C12orf56: variants seen among roughly 807,000 people sequenced by gnomAD.
C12orf56 encodes uncharacterized protein C12orf56.
A neutral mutation model predicts 69.9 loss-of-function variants in C12orf56; 71 were observed. The observed-to-expected ratio is 1.02, with a 90% CI of 0.84 to 1.24. C12orf56 has a LOEUF of 1.24. Ranked by LOEUF, C12orf56 falls within the 50% of genes most tolerant of loss-of-function variation. The pLI, the probability that C12orf56 is intolerant of heterozygous loss-of-function variation, is 0.00. For missense variants in C12orf56, 732 were observed against 738.5 expected (o/e 0.99, Z 0.10); for synonymous variants, 276 against 274.1 (o/e 1.01, Z -0.07).
chr12:64,389,858 T>C (rs2135995169), intron 1 of C12orf56, among the ~76,000 whole-genome samples: 1 of 152,256 alleles, frequency 6.6e-6, no homozygotes, highest in East Asian at 1.9e-4. Context: ...AAAAAGTAAA[T>C]GAGATATAAC....
chr12:64,329,529 A>ATTTT (rs869194287), intron 3 of C12orf56, among the ~76,000 whole-genome samples: 2 of 145,288 alleles, frequency 1.4e-5, no homozygotes, highest in African/African-American at 2.5e-5. Flanking sequence ...TTATTTATTT[A>ATTTT]TTTTTTATTA....
intron 11 of C12orf56, 115 bp downstream of exon 11, chr12:64,274,786 C>A: frequency 1.3e-6 from 1 of 787,592 alleles, no homozygotes. Context: ...CACTTTGCTT[C>A]TGGTTGATAA....
Position 64,388,137 on chromosome 12 carries a change from G to T in C12orf56, c.252+2177C>A, listed in dbSNP as rs7132456. Among the ~76,000 whole-genome samples, 1,179 of 152,050 alleles carry T rather than the reference G, an allele frequency of 7.8e-3. 16 individuals carry two copies. The highest frequency in any genetic ancestry group is 0.026 in the African/African-American group (1,093 of 41,494). ...GGCATGCGCCACCACACCCAGTGGC[G>T]CATTGGCCCAGGCTGGTCTCGAACT... is the stretch of plus-strand genomic sequence containing the variant. On this transcript the variant is annotated intron_variant, in intron 1 of 12. Coordinates refer to ENST00000543942, the MANE Select transcript of C12orf56 (RefSeq NM_001170633.2).
intron 6 of C12orf56, among the ~76,000 whole-genome samples, chr12:64,289,360 G>T (rs1198509927): frequency 8.0e-5 from 10 of 124,644 alleles, no homozygotes; most frequent in East Asian, 6.5e-4. Context: ...CTGCCTAATT[G>T]CCCTGGCCAG....
intron 2 of C12orf56, among the ~76,000 whole-genome samples, chr12:64,341,619 G>A (rs946177821): frequency 6.6e-6 from 1 of 152,188 alleles, no homozygotes; most frequent in African/African-American, 2.4e-5. Flanking sequence ...AGGTGGGTAA[G>A]GCATTCCGTG....
In C12orf56 at chr12:64,373,479, T is replaced by C. The variant is rs1373152540; in HGVS notation, c.252+16835A>G. On this transcript the variant is annotated intron_variant, in intron 1 of 12. Transcript: ENST00000543942. ...AAAATAAAGAAAACAAAACCTGATA[T>C]CCATGTAATGGAAGTGCACAATGTA... Among the ~76,000 whole-genome samples the C allele has an allele frequency of 2.6e-5, 4 of 152,092 alleles. No individual in the cohort carries two copies. In the East Asian group the frequency reaches 7.7e-4, roughly 29 times the overall value.
At chr12:64,311,335 C>T (rs1399311923) in intron 5 of C12orf56, among the ~76,000 whole-genome samples, 1 of 151,668 alleles carries the variant, frequency 6.6e-6, no homozygotes, top group Non-Finnish European at 1.5e-5. Context: ...ACTGCTTGAA[C>T]CTGGGAGGCA....
intron 5 of C12orf56, 101 bp from the exon 6 acceptor site, chr12:64,303,880 A>C: frequency 7.7e-7 from 1 of 1,303,598 alleles, no homozygotes; most frequent in Non-Finnish European, 1.0e-6. Flanking sequence ...TTTGTTACTA[A>C]TGGGATTTTA....
At chr12:64,344,126 C>T (rs574162061) in intron 2 of C12orf56, among the ~76,000 whole-genome samples, 7 of 152,292 alleles carry the variant, frequency 4.6e-5, no homozygotes, top group South Asian at 4.1e-4. Context: ...GTCCCCTAAA[C>T]ATCTGATCAT....
chr12:64,347,804 C>T (rs1037593782), intron 2 of C12orf56, among the ~76,000 whole-genome samples: 7 of 152,266 alleles, frequency 4.6e-5, no homozygotes, highest in African/African-American at 1.4e-4. Context: ...GAAATAAAAA[C>T]AGTCTTAAAG....
At chr12:64,278,903 C>T (rs1353973138) in intron 8 of C12orf56, among the ~76,000 whole-genome samples, 2 of 152,090 alleles carry the variant, frequency 1.3e-5, no homozygotes, top group African/African-American at 4.8e-5. Context: ...TTCACTTAGC[C>T]TAATATCCTC....
Position 64,385,402 on chromosome 12 carries a change from T to C in C12orf56, c.252+4912A>G, listed in dbSNP as rs141781098. Among the ~76,000 whole-genome samples the C allele has an allele frequency of 7.1e-3, 1,085 of 152,290 alleles. 19 individuals carry two copies. The highest frequency in any genetic ancestry group is 0.024 in the African/African-American group (995 of 41,560). Reference sequence around the variant, plus strand: ...TGTGAAGGGAATAGAATTTTATCTGTATTATTTGTAAGGGCTTTTTTTCCC... The same window carrying C: ...TGTGAAGGGAATAGAATTTTATCTGCATTATTTGTAAGGGCTTTTTTTCCC... On this transcript the variant is annotated intron_variant, in intron 1 of 12. Coordinates refer to ENST00000543942, the MANE Select transcript of C12orf56 (RefSeq NM_001170633.2).
At chr12:64,323,725 G>A (rs994180238) in intron 3 of C12orf56, among the ~76,000 whole-genome samples, 10 of 152,064 alleles carry the variant, frequency 6.6e-5, no homozygotes, top group Middle Eastern at 3.4e-3. Flanking sequence ...TGCCCAGGCC[G>A]GTCTTAAACT....
intron 2 of C12orf56, chr12:64,338,716 T>A (rs1304989764): frequency 1.3e-6 from 2 of 1,528,028 alleles, no homozygotes. Context: ...TTCCTTCTGC[T>A]TTCTCATTGG....
chr12:64,301,894 T>G (rs2038450802), intron 6 of C12orf56, among the ~76,000 whole-genome samples: 1 of 152,184 alleles, frequency 6.6e-6, no homozygotes, highest in African/African-American at 2.4e-5. Context: ...CCCAGCCTAC[T>G]AAAATAAAGG....
intron 3 of C12orf56, among the ~76,000 whole-genome samples, chr12:64,320,488 T>G (rs2038757076): frequency 1.3e-5 from 2 of 152,194 alleles, no homozygotes; most frequent in African/African-American, 4.8e-5. Context: ...GATGTTTTCT[T>G]TAATTCCCCT....
intron 2 of C12orf56, among the ~76,000 whole-genome samples, chr12:64,342,907 A>G (rs1056289314): frequency 6.6e-6 from 1 of 152,198 alleles, no homozygotes; most frequent in Non-Finnish European, 1.5e-5. Flanking sequence ...CAGCTCAAGC[A>G]CCATTGGATC....
At chr12:64,374,772 G>A (rs2039619000) in intron 1 of C12orf56, among the ~76,000 whole-genome samples, 1 of 152,058 alleles carries the variant, frequency 6.6e-6, no homozygotes, top group African/African-American at 2.4e-5. Context: ...TCAAACTCCT[G>A]ACCTCAGGTG....
intron 6 of C12orf56, among the ~76,000 whole-genome samples, chr12:64,294,362 T>C (rs557852726): frequency 6.6e-6 from 1 of 152,216 alleles, no homozygotes; most frequent in South Asian, 2.1e-4. Flanking sequence ...GAAAGCACCG[T>C]CTTAAAGAGA....
Sources: allele counts gnomAD v4.1 joint callset (sites outside exome capture counted in the v4.1 genomes callset), GRCh38; gene constraint gnomAD v4.1.1; transcripts MANE v1.5; gene names NCBI Gene and HGNC (gene_info 2026-07-23, HGNC 2026-07-21).